Variants in PLA2G4E observed in about 807,000 individuals in gnomAD.
PLA2G4E encodes phospholipase A2 group IVE.
PLA2G4E carries 84 observed loss-of-function variants against 109.1 expected under a neutral mutation model. The observed-to-expected ratio is 0.77, with a 90% CI of 0.65 to 0.92. PLA2G4E has a LOEUF of 0.92. Ranked by LOEUF, PLA2G4E falls within the 40% of genes least tolerant of loss-of-function variation. The probability of loss-of-function intolerance (pLI) is 0.00; values close to 1 mark genes in which losing one functional copy is unlikely to be tolerated. For missense variants in PLA2G4E, 1,057 were observed against 1,076.6 expected (o/e 0.98, Z 0.25); for synonymous variants, 469 against 436.1 (o/e 1.08, Z -0.94).
In PLA2G4E at chr15:42,005,061, G is replaced by T. The variant is rs570298369; in HGVS notation, c.526-83C>A. Reference sequence around the variant, plus strand: ...AGAACCCTTTGCCACCCTGGGAGCCGCTGTGGACCTGCCTCCGTCCTTCCC... The same window carrying T: ...AGAACCCTTTGCCACCCTGGGAGCCTCTGTGGACCTGCCTCCGTCCTTCCC... On this transcript the variant is annotated intron_variant, in intron 4 of 19. Coordinates refer to ENST00000399518, the Ensembl canonical transcript of PLA2G4E. 2.0e-5 allele frequency: 31 copies of T among 1,518,016 alleles called. 1 individual carries two copies. The South Asian group carries it at 2.1e-4, about 10-fold the overall frequency. The allele number at this position is 1,518,016 out of a possible 1,614,324, so 94.0% of individuals were successfully genotyped here.
intron 1 of PLA2G4E, among the ~76,000 whole-genome samples, chr15:42,037,653 G>A (rs760609032): frequency 1.3e-5 from 2 of 152,128 alleles, no homozygotes; most frequent in South Asian, 2.1e-4. Context: ...TGCTCACTTC[G>A]TTGTGGGTGA....
intron 6 of PLA2G4E, among the ~76,000 whole-genome samples, chr15:42,002,178 G>T (rs558232495): frequency 6.7e-6 from 1 of 148,402 alleles, no homozygotes; most frequent in Non-Finnish European, 1.5e-5. Context: ...GGGTGGTGGC[G>T]TGCTTGAGCA....
chr15:42,019,744 C>G (rs1263816754), intron 1 of PLA2G4E, among the ~76,000 whole-genome samples: 1 of 152,188 alleles, frequency 6.6e-6, no homozygotes, highest in African/African-American at 2.4e-5. Context: ...CTAAGAGTCA[C>G]CTGGGAGGAG....
intron 1 of PLA2G4E, among the ~76,000 whole-genome samples, chr15:42,025,231 A>G (rs2068683423): frequency 6.6e-6 from 1 of 151,956 alleles, no homozygotes; most frequent in Non-Finnish European, 1.5e-5. Flanking sequence ...AGAAAAGAAA[A>G]GAAAGAAAGA....
intron 10 of PLA2G4E, 189 bp from the exon 11 acceptor site, chr15:41,997,448 CA>C: frequency 1.9e-6 from 1 of 522,588 alleles, no homozygotes; most frequent in South Asian, 4.2e-5. Flanking sequence ...CTGTCTTCAG[CA>C]CTTAAAGAGA....
exon 8 of PLA2G4E, chr15:42,000,136 C>G: frequency 6.3e-7 from 1 of 1,593,974 alleles, no homozygotes; most frequent in Non-Finnish European, 8.5e-7. Context: ...GGCACTTCCA[C>G]GTGCACCTGG....
intron 3 of PLA2G4E, 21 bp from the exon 4 acceptor site, chr15:42,006,142 C>G (rs373376041): frequency 6.2e-7 from 1 of 1,612,380 alleles, no homozygotes; most frequent in East Asian, 2.2e-5. Context: ...AGGAAGGATG[C>G]CAGTCTGGTT....
At chr15:42,050,540 A>G in exon 1 of PLA2G4E, 1 of 1,550,578 alleles carries the variant, frequency 6.4e-7, no homozygotes, top group Non-Finnish European at 8.7e-7. Flanking sequence ...CCAAGGAGCC[A>G]TAGGACAGAA....
intron 11 of PLA2G4E, among the ~76,000 whole-genome samples, chr15:41,996,551 C>T (rs1248563951): frequency 6.6e-6 from 1 of 152,158 alleles, no homozygotes; most frequent in Non-Finnish European, 1.5e-5. Flanking sequence ...GGAGGGCTTG[C>T]CTGCTGCCCA....
Position 42,013,811 on chromosome 15 carries a change from T to C in PLA2G4E, c.184-54A>G, listed in dbSNP as rs191100899. On this transcript the variant is annotated intron_variant, in intron 1 of 19. Transcript: ENST00000399518. ...TCTTCAAGCATTACTCCAAGGCCAT[T>C]GCCCCGGGGGAGACTTTCCCGCTAT... 20 of 1,426,570 alleles carry C rather than the reference T, an allele frequency of 1.4e-5. No homozygotes were observed. The Middle Eastern group carries it at 5.3e-4, about 38-fold the overall frequency. The allele number at this position is 1,426,570 out of a possible 1,614,324, so 88.4% of individuals were successfully genotyped here.
At chr15:42,006,119 G>T in exon 4 of PLA2G4E, 2 of 1,613,560 alleles carry the variant, frequency 1.2e-6, no homozygotes, top group South Asian at 2.2e-5. Context: ...ACTCTAGCAC[G>T]TTCTAGGGGA....
At chr15:41,985,535 G>C (rs1031233701) in intron 18 of PLA2G4E, among the ~76,000 whole-genome samples, 1 of 152,196 alleles carries the variant, frequency 6.6e-6, no homozygotes, top group Non-Finnish European at 1.5e-5. Context: ...CTCTACTAAG[G>C]TTATTTTTAA....
chr15:42,013,821 G>T (rs1595569502), intron 1 of PLA2G4E, 64 bp from the exon 2 acceptor site: 4 of 1,377,118 alleles, frequency 2.9e-6, no homozygotes, highest in Admixed American at 2.0e-5. Context: ...TGCCCCGGGG[G>T]AGACTTTCCC....
intron 1 of PLA2G4E, among the ~76,000 whole-genome samples, chr15:42,048,328 G>C (rs1889449319): frequency 6.6e-6 from 1 of 152,194 alleles, no homozygotes; most frequent in Admixed American, 6.5e-5. Context: ...GCATTTCTCA[G>C]AACATGTCCC....
At chr15:42,010,100 T>C (rs758074173) in intron 2 of PLA2G4E, 1 of 511,092 alleles carries the variant, frequency 2.0e-6, no homozygotes, top group East Asian at 5.7e-5. Context: ...TCAGCCCTCT[T>C]GAACCCTTCC....
At chr15:41,990,433 G>C (rs1047414885) in intron 13 of PLA2G4E, among the ~76,000 whole-genome samples, 198 bp from the exon 14 acceptor site, 1 of 152,108 alleles carries the variant, frequency 6.6e-6, no homozygotes, top group Non-Finnish European at 1.5e-5. Flanking sequence ...CCCTCGGGCT[G>C]CCCACCACCA....
At chr15:42,018,639 G>T (rs1284430960) in intron 1 of PLA2G4E, among the ~76,000 whole-genome samples, 1 of 152,160 alleles carries the variant, frequency 6.6e-6, no homozygotes, top group African/African-American at 2.4e-5. Flanking sequence ...GGGCCAGGGA[G>T]GACAGGCTGG....
At chr15:41,998,463 T>C (rs556761104) in intron 10 of PLA2G4E, 1 of 152,292 alleles carries the variant, frequency 6.6e-6, no homozygotes, top group East Asian at 1.9e-4. Context: ...CTTGTTATTC[T>C]CCCAATGTAC....
intron 6 of PLA2G4E, 76 bp from the exon 7 acceptor site, chr15:42,001,296 G>T: frequency 7.6e-7 from 1 of 1,322,552 alleles, no homozygotes; most frequent in Non-Finnish European, 1.1e-6. Context: ...GAAGGGAGAT[G>T]AGGGACCAGA....
Sources: gnomAD v4.1 joint callset for allele counts (sites outside exome capture counted in the v4.1 genomes callset) on GRCh38, gnomAD v4.1.1 for gene constraint, MANE v1.5 for transcripts, NCBI Gene and HGNC (gene_info 2026-07-23, HGNC 2026-07-21) for gene names.